The following TENM4 variants were observed in gnomAD, a reference collection of about 807,000 sequenced individuals.
TENM4 encodes teneurin transmembrane protein 4.
In TENM4, 82 loss-of-function variants were observed where a neutral mutation model predicts 243.3. That is an observed-to-expected ratio of 0.34 (90% CI 0.28 to 0.40). TENM4 has a LOEUF of 0.40. Ranked by LOEUF, TENM4 falls within the 10% of genes least tolerant of loss-of-function variation. The probability of loss-of-function intolerance (pLI) is 1.00; values close to 1 mark genes in which losing one functional copy is unlikely to be tolerated. For synonymous variants in TENM4, 1,412 were observed against 1,456.3 expected (o/e 0.97, Z 0.69); for missense variants, 3,138 against 3,673.3 (o/e 0.85, Z 3.77).
At chr11:79,336,656 A>T (rs1470224888) in intron 1 of TENM4, among the ~76,000 whole-genome samples, 1 of 152,248 alleles carries the variant, frequency 6.6e-6, no homozygotes, top group Non-Finnish European at 1.5e-5. Context: ...TGGGAATTAC[A>T]ATGCCACTTT....
chr11:79,101,223 T>G (rs1861222440), intron 4 of TENM4, among the ~76,000 whole-genome samples: 1 of 152,212 alleles, frequency 6.6e-6, no homozygotes, highest in African/African-American at 2.4e-5. Context: ...CTCTGTAGAA[T>G]ATAAAAAATT....
At chr11:79,047,639 G>A (rs937966775) in intron 6 of TENM4, among the ~76,000 whole-genome samples, 8 of 152,120 alleles carry the variant, frequency 5.3e-5, no homozygotes, top group African/African-American at 1.4e-4. Context: ...CTAACAGCTC[G>A]GCAGCACTTC....
intron 6 of TENM4, among the ~76,000 whole-genome samples, chr11:78,914,406 G>C (rs1353211121): frequency 1.3e-5 from 2 of 152,168 alleles, no homozygotes; most frequent in Admixed American, 1.3e-4. Flanking sequence ...TGACAACCAA[G>C]ACCAGGAAGT....
chr11:79,220,486 T>A (rs1864135943), intron 2 of TENM4, among the ~76,000 whole-genome samples: 1 of 152,174 alleles, frequency 6.6e-6, no homozygotes, highest in Non-Finnish European at 1.5e-5. Flanking sequence ...ATAAAAATAA[T>A]GGACTAGAGA....
chr11:79,380,383 G>A (rs551012965), intron 1 of TENM4, among the ~76,000 whole-genome samples: 1 of 152,208 alleles, frequency 6.6e-6, no homozygotes, highest in South Asian at 2.1e-4. Flanking sequence ...TGCTGGAGGC[G>A]GGAATCCAAT....
chr11:79,091,933 G>C (rs537328591), intron 4 of TENM4, among the ~76,000 whole-genome samples: 3 of 152,154 alleles, frequency 2.0e-5, no homozygotes, highest in African/African-American at 7.2e-5. Context: ...TGGGAGTCAC[G>C]CTTAAATCCT....
intron 18 of TENM4, among the ~76,000 whole-genome samples, chr11:78,763,129 G>A (rs1361831836): frequency 6.6e-6 from 1 of 152,176 alleles, no homozygotes; most frequent in Non-Finnish European, 1.5e-5. Flanking sequence ...AAGAAATCAG[G>A]AAAGCAGAGG....
At chr11:78,693,690 C>A (rs1329563974) in intron 28 of TENM4, among the ~76,000 whole-genome samples, 1 of 152,164 alleles carries the variant, frequency 6.6e-6, no homozygotes, top group Non-Finnish European at 1.5e-5. Flanking sequence ...TCCAAAGCAT[C>A]TTTGGAGCAC....
chr11:79,216,609 A>G (rs1262144809), intron 2 of TENM4, among the ~76,000 whole-genome samples: 2 of 152,226 alleles, frequency 1.3e-5, no homozygotes, highest in African/African-American at 4.8e-5. Context: ...GCATTCTCAT[A>G]GCAGTGAGTG....
intron 1 of TENM4, among the ~76,000 whole-genome samples, chr11:79,398,669 A>G (rs532329463): frequency 1.1e-4 from 17 of 150,682 alleles, no homozygotes; most frequent in Admixed American, 7.3e-4. Flanking sequence ...ATCACAGAAT[A>G]TATTCAACTG....
At chr11:78,660,826 T>C (rs1858012935) in intron 33 of TENM4, among the ~76,000 whole-genome samples, 1 of 152,178 alleles carries the variant, frequency 6.6e-6, no homozygotes, top group South Asian at 2.1e-4. Context: ...GAGACTGTTT[T>C]TAAAGACCTT....
At chr11:79,408,057 C>A (rs1015726927) in intron 1 of TENM4, among the ~76,000 whole-genome samples, 1 of 152,104 alleles carries the variant, frequency 6.6e-6, no homozygotes, top group Non-Finnish European at 1.5e-5. Flanking sequence ...GCACCGGTCA[C>A]CACGCCCAGC....
At position 78,771,085 on chromosome 11, in the gene TENM4, C is replaced by T. The variant is rs1358756933; in HGVS notation, c.2446G>A (p.Gly816Ser). Residue 816 changes from glycine (G) to serine (S), a missense_variant, in exon 18 of 34, where the codon GGT (glycine) becomes AGT (serine). This residue lies in a region of TENM4 where 2,467 missense variants were observed against 3,059.1 expected (regional missense o/e 0.81). Coordinates refer to ENST00000278550, the MANE Select transcript of TENM4 (RefSeq NM_001098816.3). ...CCCAGCTGGCAGACGCAGTGCCAAC[C>T]ATTCAGGTCTAAGGTACATCTGCCG... is the stretch of plus-strand genomic sequence containing the variant. ...GNGRCTLDLN[G>S]WHCVCQLGWR... 1 of 1,575,982 alleles carries T rather than the reference C, an allele frequency of 6.3e-7. No individual in the cohort carries two copies. The highest frequency in any genetic ancestry group is 2.3e-5 in the East Asian group (1 of 42,696).
At chr11:79,041,416 T>C (rs919297193) in intron 6 of TENM4, among the ~76,000 whole-genome samples, 1 of 149,772 alleles carries the variant, frequency 6.7e-6, no homozygotes, top group Admixed American at 6.7e-5. Context: ...GGAATGAGAA[T>C]ACCTACCTCA....
At chr11:79,343,311 C>T (rs1191282796) in intron 1 of TENM4, among the ~76,000 whole-genome samples, 1 of 152,196 alleles carries the variant, frequency 6.6e-6, no homozygotes, top group African/African-American at 2.4e-5. Flanking sequence ...TTCTATTTTA[C>T]AGATGAGAAC....
In TENM4 at chr11:78,988,863, G is replaced by T. The variant is rs1446506821; in HGVS notation, c.493+75875C>A. On this transcript the variant is annotated intron_variant, in intron 6 of 33. Transcript: ENST00000278550. ...CTAATTTGTTTTACTTTTTTGTGGAGACAGGGTCCCACTATGTTGCCTAGG... is the reference window on the plus strand; with the variant it reads ...CTAATTTGTTTTACTTTTTTGTGGATACAGGGTCCCACTATGTTGCCTAGG... Among the ~76,000 whole-genome samples the T allele has an allele frequency of 1.3e-5, 2 of 152,170 alleles. 1 individual carries two copies. Among genetic ancestry groups the T allele is most frequent in the Admixed American group, 1.3e-4 (2 of 15,280 alleles).
intron 26 of TENM4, among the ~76,000 whole-genome samples, chr11:78,708,990 AAG>A (rs1859334086): frequency 6.7e-6 from 1 of 148,554 alleles, no homozygotes; most frequent in Admixed American, 6.7e-5. Flanking sequence ...TTTTTAAAAA[AAG>A]AGTCTCGTTC....
chr11:79,054,826 T>TTG (rs1216692397), intron 6 of TENM4, among the ~76,000 whole-genome samples: 1 of 152,118 alleles, frequency 6.6e-6, no homozygotes, highest in Non-Finnish European at 1.5e-5. Context: ...ACTGCATGTA[T>TTG]TGTGTGTAAA....
intron 17 of TENM4, among the ~76,000 whole-genome samples, chr11:78,778,152 C>G (rs1856773020): frequency 6.6e-6 from 1 of 152,192 alleles, no homozygotes; most frequent in African/African-American, 2.4e-5. Context: ...CGAATGAACA[C>G]AGTAGTACTA....
Sources: allele counts gnomAD v4.1 joint callset (sites outside exome capture counted in the v4.1 genomes callset), GRCh38; gene constraint gnomAD v4.1.1; regional missense constraint gnomAD v4.1.1; transcripts MANE v1.5; gene names NCBI Gene and HGNC (gene_info 2026-07-23, HGNC 2026-07-21).